The following EIF4G3 variants were observed in gnomAD, a reference collection of about 807,000 sequenced individuals.
The protein encoded by EIF4G3 is eukaryotic translation initiation factor 4 gamma 3, also known as eIF-4-gamma 3.
A neutral mutation model predicts 186.4 loss-of-function variants in EIF4G3; 34 were observed. The ratio of observed to expected loss-of-function variants is 0.18; its 90% CI spans 0.14 to 0.24. The LOEUF (loss-of-function observed/expected upper bound fraction) is 0.24, where lower values mean the gene tolerates loss of function less well. EIF4G3 is among the 10% of genes least tolerant of loss of function. The pLI is 1.00. For missense variants in EIF4G3, 1,536 were observed against 1,948.5 expected (o/e 0.79, Z 3.99); for synonymous variants, 673 against 679.5 (o/e 0.99, Z 0.15).
At position 20,807,466 on chromosome 1, in the gene EIF4G3, G is replaced by A. The variant is rs540921938; in HGVS notation, c.4779C>T (p.Asp1593=). 3.4e-5 allele frequency: 55 copies of A among 1,608,422 alleles called. No individual in the cohort carries two copies. Among genetic ancestry groups the A allele is most frequent in the East Asian group, 2.0e-4 (9 of 44,720 alleles). The stretch of plus-strand genomic sequence containing the variant: ...AGGCATCCTCGGAGATCACCTCCTC[G>A]TCATATAGACAATCAAAAAACATCC... The part of the protein sequence containing the change: ...LLRMFFDCLY[D]EEVISEDAFY... The change falls in exon 37 of 37, where the codon GAC becomes GAT. Residue 1593 remains aspartate, a synonymous_variant. Coordinates refer to ENST00000602326, the MANE Select transcript of EIF4G3 (RefSeq NM_001391906.1).
rs905270062 is a variant in EIF4G3, at chr1:20,956,053, A to G, written c.715-5942T>C. Among the ~76,000 whole-genome samples, 102 of 152,314 alleles carry G rather than the reference A, an allele frequency of 6.7e-4. 1 individual carries two copies. The highest frequency in any genetic ancestry group is 2.2e-3 in the African/African-American group (91 of 41,566). On this transcript the variant is annotated intron_variant, in intron 12 of 36. Coordinates refer to ENST00000602326, the MANE Select transcript of EIF4G3 (RefSeq NM_001391906.1). Reference sequence around the variant, plus strand: ...AGGCAATAAAAAACAATAAATAATGACCATAGCAATAATATAATGGTAACA... The same window carrying G: ...AGGCAATAAAAAACAATAAATAATGGCCATAGCAATAATATAATGGTAACA...
At chr1:21,017,627 CAAAAAAAAAAAAAAA>C (rs71014146) in intron 4 of EIF4G3, among the ~76,000 whole-genome samples, 8 of 49,232 alleles carry the variant, frequency 1.6e-4, no homozygotes, top group Admixed American at 1.5e-3. Flanking sequence ...GACTCCGTCT[CAAAAAAAAAAAAAAA>C]AAAAAAAAAA....
At chr1:20,926,085 G>A (rs1179220184) in intron 14 of EIF4G3, among the ~76,000 whole-genome samples, 2 of 152,094 alleles carry the variant, frequency 1.3e-5, no homozygotes, top group African/African-American at 2.4e-5. Context: ...TCTTATTTTA[G>A]TAAGAACTAT....
intron 7 of EIF4G3, among the ~76,000 whole-genome samples, chr1:20,989,081 G>GGGAGGGGAGA (rs1553394543): frequency 6.2e-4 from 23 of 36,904 alleles, no homozygotes; most frequent in Non-Finnish European, 1.2e-3. Context: ...GGGAGGGGAG[G>GGGAGGGGAGA]GGAGAGGAGA....
chr1:20,924,345 T>C (rs2094710431), intron 14 of EIF4G3, among the ~76,000 whole-genome samples: 1 of 152,196 alleles, frequency 6.6e-6, no homozygotes, highest in African/African-American at 2.4e-5. Flanking sequence ...GAAAACATCA[T>C]GATACAAATG....
At chr1:21,163,376 A>C (rs975160404) in intron 2 of EIF4G3, among the ~76,000 whole-genome samples, 1 of 152,252 alleles carries the variant, frequency 6.6e-6, no homozygotes, top group Non-Finnish European at 1.5e-5. Context: ...AAAGATCAAC[A>C]ATGTAACACA....
intron 4 of EIF4G3, among the ~76,000 whole-genome samples, chr1:21,043,876 A>ATAAAT (rs2093719860): frequency 6.6e-6 from 1 of 152,100 alleles, no homozygotes; most frequent in African/African-American, 2.4e-5. Context: ...GGCGCAAAAA[A>ATAAAT]AAAAAAAGGA....
chr1:21,051,385 G>A (rs935751755), intron 3 of EIF4G3, among the ~76,000 whole-genome samples: 1 of 152,112 alleles, frequency 6.6e-6, no homozygotes, highest in African/African-American at 2.4e-5. Flanking sequence ...GATTTTTGAG[G>A]GTGACAGAAC....
At chr1:20,818,748 C>T (rs2061620134) in intron 33 of EIF4G3, among the ~76,000 whole-genome samples, 1 of 152,034 alleles carries the variant, frequency 6.6e-6, no homozygotes, top group South Asian at 2.1e-4. Context: ...TATACAAAAA[C>T]CATAAAGATG....
intron 12 of EIF4G3, among the ~76,000 whole-genome samples, chr1:20,968,862 A>G (rs537413861): frequency 2.0e-5 from 3 of 152,206 alleles, no homozygotes; most frequent in Non-Finnish European, 2.9e-5. Flanking sequence ...CATTTTACAT[A>G]ATGAACTTGA....
chr1:21,066,447 G>T (rs2063074), intron 3 of EIF4G3, among the ~76,000 whole-genome samples: 149,463 of 152,258 alleles, frequency 0.98, 73,401 homozygotes, highest in Middle Eastern at 1. Flanking sequence ...GAAATTAACA[G>T]AGTCAAAAGT....
rs2072436483 is a variant in EIF4G3, at chr1:20,849,268, C to CTTA, written c.3888+146_3888+147insTAA. The CTTA allele has an allele frequency of 9.1e-6, 4 of 437,494 alleles. No homozygotes were observed. The East Asian group carries it at 1.4e-4, about 16-fold the overall frequency. The allele number at this position is 437,494 out of a possible 1,614,324, so 27.1% of individuals were successfully genotyped here. On this transcript the variant is annotated intron_variant, in intron 29 of 36. Coordinates refer to ENST00000602326, the MANE Select transcript of EIF4G3 (RefSeq NM_001391906.1). ...AGAGTACTTGGCAGAAATGCATCAG[C>CTTA]GTTAAGCAAACTGAATTGTGTAGGA...
chr1:20,948,166 A>G (rs1029422661), intron 13 of EIF4G3, among the ~76,000 whole-genome samples: 10 of 152,222 alleles, frequency 6.6e-5, no homozygotes, highest in Non-Finnish European at 1.5e-4. Context: ...CATTTGCGAA[A>G]GTGCAATGAA....
At chr1:20,901,864 C>G (rs958874506) in intron 15 of EIF4G3, among the ~76,000 whole-genome samples, 4 of 151,878 alleles carry the variant, frequency 2.6e-5, no homozygotes, top group Non-Finnish European at 4.4e-5. Context: ...AAAGGTAAAC[C>G]TTTTATAGGA....
At chr1:20,956,461 A>C (rs745956289) in intron 12 of EIF4G3, among the ~76,000 whole-genome samples, 3 of 152,112 alleles carry the variant, frequency 2.0e-5, no homozygotes, top group African/African-American at 4.8e-5. Context: ...AAGGAGAGCA[A>C]AGTGGCTTAG....
rs574748623 is a variant in EIF4G3, at chr1:20,942,393, G to C, written c.824-63C>G. 2.0e-6 allele frequency: 3 copies of C among 1,482,728 alleles called. No homozygotes were observed. In the East Asian group the frequency reaches 6.8e-5, roughly 34 times the overall value. 91.8% of individuals were successfully genotyped at this position (1,482,728 alleles called of 1,614,324 possible). On this transcript the variant is annotated intron_variant, in intron 13 of 36. Coordinates refer to ENST00000602326, the MANE Select transcript of EIF4G3 (RefSeq NM_001391906.1). ...GATCAGAGACTACATATTGCCTTGG[G>C]CCAATTCTTTCAATGTCTTACCCTA... is the stretch of plus-strand genomic sequence containing the variant.
chr1:20,810,887 A>G lies in EIF4G3; in HGVS notation c.4598-3T>C. 1.2e-6 allele frequency: 2 copies of G among 1,609,602 alleles called. No individual in the cohort carries two copies. The highest frequency in any genetic ancestry group is 1.1e-5 in the South Asian group (1 of 90,918). ...CACTCTGAAGGTAGAAGAGTCGGCT[A>G]AAGGTGATAGAAGAACTAGGAATTA... On this transcript the variant is annotated splice_region_variant and splice_polypyrimidine_tract_variant and intron_variant, in intron 35 of 36. Transcript: ENST00000602326. The surrounding 1 kb of genome is among the most constrained non-coding windows in gnomAD (Gnocchi z 4.1).
chr1:21,112,092 C>A (rs991354760), intron 2 of EIF4G3, among the ~76,000 whole-genome samples: 1 of 152,176 alleles, frequency 6.6e-6, no homozygotes, highest in African/African-American at 2.4e-5. Flanking sequence ...CAAAGGCCTC[C>A]ACTTACACTT....
At chr1:20,995,099 G>A (rs1041505350) in intron 7 of EIF4G3, among the ~76,000 whole-genome samples, 19 of 152,216 alleles carry the variant, frequency 1.2e-4, no homozygotes, top group Middle Eastern at 3.4e-3. Flanking sequence ...CATTTTCCCC[G>A]ATTGTTGGAA....
Sources: allele counts gnomAD v4.1 joint callset (sites outside exome capture counted in the v4.1 genomes callset), GRCh38; gene constraint gnomAD v4.1.1; non-coding constraint Gnocchi (gnomAD v3.1); transcripts MANE v1.5; gene names NCBI Gene and HGNC (gene_info 2026-07-23, HGNC 2026-07-21).